The following RCSD1 variants were observed in gnomAD, a reference collection of about 807,000 sequenced individuals.
RCSD1 encodes RCSD domain containing 1.
In RCSD1, 26 loss-of-function variants were observed where a neutral mutation model predicts 42.5. The ratio of observed to expected loss-of-function variants is 0.61; its 90% CI spans 0.45 to 0.85. RCSD1 has a LOEUF of 0.85. Ranked by LOEUF, RCSD1 falls within the 40% of genes least tolerant of loss-of-function variation. The probability of loss-of-function intolerance (pLI) is 0.00; values close to 1 mark genes in which losing one functional copy is unlikely to be tolerated. For missense variants in RCSD1, 571 were observed against 528.3 expected (o/e 1.08, Z -0.79); for synonymous variants, 220 against 212.2 (o/e 1.04, Z -0.32).
chr1:167,675,207 GAAAAAAAAAAAA>G (rs34426324), intron 1 of RCSD1, among the ~76,000 whole-genome samples: 1 of 49,148 alleles, frequency 2.0e-5, no homozygotes, highest in African/African-American at 1.1e-4. Context: ...CTCCATCTCG[GAAAAAAAAAAAA>G]AAAAAAAAAA....
chr1:167,658,070 G>C (rs1658461300), intron 1 of RCSD1, among the ~76,000 whole-genome samples: 1 of 152,024 alleles, frequency 6.6e-6, no homozygotes, highest in South Asian at 2.1e-4. Context: ...TGGGACTACA[G>C]GTGTGCACCA....
chr1:167,653,516 G>A (rs1417690452), intron 1 of RCSD1, among the ~76,000 whole-genome samples: 3 of 152,180 alleles, frequency 2.0e-5, no homozygotes, highest in Non-Finnish European at 2.9e-5. Flanking sequence ...TACTTGATCC[G>A]GAAGACAGAG....
rs567529351 is a variant in RCSD1 at position 167,648,625 on chromosome 1, G to T, written c.6+18196G>T. On this transcript the variant is annotated intron_variant, in intron 1 of 6. Coordinates refer to ENST00000367854, the MANE Select transcript of RCSD1 (RefSeq NM_052862.4). ...ACAGGAAAGGGGTGTGGACCCCCTG[G>T]AAATGAAGCAATCATATGGTAGTTC... Among the ~76,000 whole-genome samples, 4 of 152,320 alleles carry T rather than the reference G, an allele frequency of 2.6e-5. No homozygotes were observed. The East Asian group carries it at 5.8e-4, about 22-fold the overall frequency.
rs569719728 is a variant in RCSD1, at chr1:167,679,142, C to G, written c.7-4758C>G. On this transcript the variant is annotated intron_variant, in intron 1 of 6. Transcript: ENST00000367854. ...ACTAAGTTAACTCTTCCAGTAAAGGCATAGAGTTAGTACAGCATGTTGGTG... is the reference window on the plus strand; with the variant it reads ...ACTAAGTTAACTCTTCCAGTAAAGGGATAGAGTTAGTACAGCATGTTGGTG... Among the ~76,000 whole-genome samples the G allele has an allele frequency of 4.6e-5, 7 of 152,320 alleles. No homozygotes were observed. The South Asian group carries it at 1.5e-3, about 32-fold the overall frequency.
intron 1 of RCSD1, among the ~76,000 whole-genome samples, chr1:167,634,302 TTATA>T (rs1657775927): frequency 6.6e-6 from 1 of 152,184 alleles, no homozygotes; most frequent in African/African-American, 2.4e-5. Context: ...GGGCCATGTC[TTATA>T]TATTTAGAGC....
intron 1 of RCSD1, among the ~76,000 whole-genome samples, chr1:167,651,754 C>T (rs1658312833): frequency 6.6e-6 from 1 of 152,130 alleles, no homozygotes; most frequent in South Asian, 2.1e-4. Flanking sequence ...TCTTCCCAGC[C>T]AAGACAGAGG....
At position 167,697,302 on chromosome 1, in the gene RCSD1, G is replaced by T; in HGVS notation, c.678G>T (p.Glu226Asp). The T allele has an allele frequency of 6.2e-7, 1 of 1,614,164 alleles. No individual in the cohort carries two copies. Among genetic ancestry groups the T allele is most frequent in the Non-Finnish European group, 8.5e-7 (1 of 1,180,020 alleles). ...SPLSSEGAAG[E>D]GVRTLGPAEK... Reference sequence around the variant, plus strand: ...TGTCCAGTGAGGGAGCAGCGGGAGAGGGAGTGAGAACCCTGGGACCTGCTG... The same window carrying T: ...TGTCCAGTGAGGGAGCAGCGGGAGATGGAGTGAGAACCCTGGGACCTGCTG... Residue 226 changes from glutamate to aspartate, a missense_variant, in exon 6 of 7, where the codon GAG becomes GAT. Transcript: ENST00000367854.
At chr1:167,689,446 C>A (rs1291158498) in intron 3 of RCSD1, among the ~76,000 whole-genome samples, 2 of 146,014 alleles carry the variant, frequency 1.4e-5, no homozygotes, top group African/African-American at 5.1e-5. Flanking sequence ...TGCGCCATTG[C>A]ACTCCAGATT....
chr1:167,671,330 C>A (rs986539951), intron 1 of RCSD1, among the ~76,000 whole-genome samples: 1 of 152,234 alleles, frequency 6.6e-6, no homozygotes. Context: ...TCTGCTGATA[C>A]CACACAGCTA....
At chr1:167,690,561 C>A (rs766825922) in intron 4 of RCSD1, among the ~76,000 whole-genome samples, 10 of 152,120 alleles carry the variant, frequency 6.6e-5, no homozygotes, top group Non-Finnish European at 8.8e-5. Flanking sequence ...GTAGTCCCAG[C>A]TACTCTGAAG....
intron 1 of RCSD1, among the ~76,000 whole-genome samples, chr1:167,672,346 C>T (rs1020548594): frequency 6.6e-6 from 1 of 152,198 alleles, no homozygotes; most frequent in South Asian, 2.1e-4. Context: ...GCTGCTGTGA[C>T]AAATGTCCAC....
At chr1:167,665,834 C>G (rs1021732756) in intron 1 of RCSD1, among the ~76,000 whole-genome samples, 1 of 149,942 alleles carries the variant, frequency 6.7e-6, no homozygotes. Flanking sequence ...TTTTTTGAGA[C>G]AGAGTCTCAC....
intron 1 of RCSD1, among the ~76,000 whole-genome samples, chr1:167,634,601 C>T (rs1338142575): frequency 6.6e-6 from 1 of 152,098 alleles, no homozygotes; most frequent in African/African-American, 2.4e-5. Context: ...TACTGTTAGT[C>T]ACTTAAATAT....
intron 4 of RCSD1, among the ~76,000 whole-genome samples, chr1:167,693,678 G>T (rs1010120481): frequency 6.6e-6 from 1 of 152,210 alleles, no homozygotes; most frequent in Non-Finnish European, 1.5e-5. Flanking sequence ...ACAGCTACAT[G>T]TGCCCTGCAA....
At chr1:167,659,243 T>C (rs962376671) in intron 1 of RCSD1, among the ~76,000 whole-genome samples, 4 of 152,226 alleles carry the variant, frequency 2.6e-5, no homozygotes, top group African/African-American at 7.2e-5. Flanking sequence ...TCCTTTGTTA[T>C]GTATTGTTCC....
intron 1 of RCSD1, among the ~76,000 whole-genome samples, chr1:167,668,316 C>A (rs865959151): frequency 2.9e-4 from 44 of 152,114 alleles, no homozygotes; most frequent in African/African-American, 8.9e-4. Context: ...GAGTTCCAGC[C>A]ACATCTTCTT....
At chr1:167,659,295 A>AT (rs1254065146) in intron 1 of RCSD1, among the ~76,000 whole-genome samples, 1 of 151,946 alleles carries the variant, frequency 6.6e-6, no homozygotes, top group Non-Finnish European at 1.5e-5. Flanking sequence ...ACATTACCTC[A>AT]TTTTCATCTG....
intron 4 of RCSD1, among the ~76,000 whole-genome samples, chr1:167,690,694 AAG>A (rs1268003844): frequency 3.3e-5 from 5 of 152,174 alleles, no homozygotes; most frequent in Non-Finnish European, 4.4e-5. Context: ...AAGAAAAAAA[AAG>A]AGTCTTACGG....
rs1659747871 is a variant in RCSD1 at position 167,705,932 on chromosome 1, G to C, written c.*1236G>C. The C allele has an allele frequency of 1.3e-5, 2 of 152,188 alleles. No individual in the cohort carries two copies. Among genetic ancestry groups the C allele is most frequent in the Non-Finnish European group, 2.9e-5 (2 of 68,044 alleles). The allele number at this position is 152,188 out of a possible 1,614,324, so 9.4% of individuals were successfully genotyped here. ...TTAGGGTCGGTCCTTATTCTGATTT[G>C]AGTATTTTAATGTCTCAGTGTGCTG... is the stretch of plus-strand genomic sequence containing the variant. On this transcript the variant is annotated 3_prime_UTR_variant, in exon 7 of 7. Coordinates refer to ENST00000367854, the MANE Select transcript of RCSD1 (RefSeq NM_052862.4).
Sources: allele counts gnomAD v4.1 joint callset (sites outside exome capture counted in the v4.1 genomes callset), GRCh38; gene constraint gnomAD v4.1.1; transcripts MANE v1.5; gene names NCBI Gene and HGNC (gene_info 2026-07-23, HGNC 2026-07-21).